The following SPECC1 variants were observed in gnomAD, a reference collection of about 807,000 sequenced individuals.
SPECC1 encodes the protein sperm antigen with calponin homology and coiled-coil domains 1.
In SPECC1, 62 loss-of-function variants were observed where a neutral mutation model predicts 104.1. That is an observed-to-expected ratio of 0.60 (90% CI 0.49 to 0.74). The LOEUF (loss-of-function observed/expected upper bound fraction) is 0.74. SPECC1 is among the 30% of genes least tolerant of loss of function. SPECC1 has a pLI of 0.00. For missense variants in SPECC1, 1,306 were observed against 1,310.5 expected, an observed-to-expected ratio of 1.00 and a Z score of 0.05; for synonymous variants, 513 against 501.6, an observed-to-expected ratio of 1.02 and a Z score of -0.30.
chr17:20,238,397 G>T, intron 7 of SPECC1: 1 of 1,041,058 alleles, frequency 9.6e-7, no homozygotes, highest in Non-Finnish European at 1.2e-6. Context: ...CCTCCATCAG[G>T]CAGAAACCTT....
intron 1 of SPECC1, among the ~76,000 whole-genome samples, chr17:20,036,595 G>T (rs966406448): frequency 1.3e-5 from 2 of 152,104 alleles, no homozygotes; most frequent in Non-Finnish European, 2.9e-5. Flanking sequence ...GTATTTTCAA[G>T]AATACAATAT....
intron 12 of SPECC1, among the ~76,000 whole-genome samples, chr17:20,283,720 G>C (rs2040851869): frequency 6.6e-6 from 1 of 152,024 alleles, no homozygotes. Flanking sequence ...CCAAGTAGCT[G>C]GGACTACAGC....
At chr17:20,174,802 G>C (rs796527526) in intron 3 of SPECC1, among the ~76,000 whole-genome samples, 3 of 152,196 alleles carry the variant, frequency 2.0e-5, no homozygotes, top group African/African-American at 7.2e-5. Flanking sequence ...GACTCAGGAG[G>C]TCAGCGCCTA....
intron 13 of SPECC1, among the ~76,000 whole-genome samples, chr17:20,303,568 A>G (rs564317414): frequency 6.6e-6 from 1 of 152,318 alleles, no homozygotes; most frequent in East Asian, 1.9e-4. Context: ...GCAAGGGTAG[A>G]GAGTGAGAGC....
intron 1 of SPECC1, among the ~76,000 whole-genome samples, chr17:20,091,641 C>G (rs2047406040): frequency 6.6e-6 from 1 of 152,204 alleles, no homozygotes; most frequent in Non-Finnish European, 1.5e-5. Flanking sequence ...CCAAAAAGCT[C>G]CAGCTCAGTA....
intron 1 of SPECC1, among the ~76,000 whole-genome samples, chr17:20,051,068 T>TTTTCTTTTTCTTTCTTTC (rs368969491): frequency 1.1e-5 from 1 of 90,772 alleles, no homozygotes; most frequent in Non-Finnish European, 2.3e-5. Flanking sequence ...CTTTCTTTCT[T>TTTTCTTTTTCTTTCTTTC]TTTCTTTCTT....
chr17:20,064,059 T>C (rs999413787), intron 1 of SPECC1, among the ~76,000 whole-genome samples: 1 of 151,950 alleles, frequency 6.6e-6, no homozygotes, highest in African/African-American at 2.4e-5. Flanking sequence ...AGGGCCAGAG[T>C]TGGCAGAAGG....
At chr17:20,296,815 T>C in intron 12 of SPECC1, 146 bp from the exon 13 acceptor site, 1 of 661,894 alleles carries the variant, frequency 1.5e-6, no homozygotes, top group South Asian at 2.0e-5. Flanking sequence ...TGAATTCGGC[T>C]CTCTGTCTGT....
intron 3 of SPECC1, among the ~76,000 whole-genome samples, chr17:20,160,111 A>G (rs2032997631): frequency 6.6e-6 from 1 of 152,230 alleles, no homozygotes; most frequent in Non-Finnish European, 1.5e-5. Flanking sequence ...AATTACATGA[A>G]ATAAAAGCTG....
intron 3 of SPECC1, among the ~76,000 whole-genome samples, chr17:20,171,179 C>T (rs920319736): frequency 2.0e-5 from 3 of 152,072 alleles, no homozygotes; most frequent in African/African-American, 4.8e-5. Context: ...CAAACTGGAC[C>T]AAAAATGTCA....
At chr17:20,044,797 C>T (rs1311839128) in intron 1 of SPECC1, among the ~76,000 whole-genome samples, 1 of 152,114 alleles carries the variant, frequency 6.6e-6, no homozygotes, top group Non-Finnish European at 1.5e-5. Context: ...TGGGTTTAGG[C>T]AGAAGGCACA....
intron 1 of SPECC1, among the ~76,000 whole-genome samples, chr17:20,040,620 T>C (rs556111838): frequency 2.6e-5 from 4 of 152,368 alleles, no homozygotes; most frequent in East Asian, 3.9e-4. Context: ...GACACTTCTT[T>C]TCTTTCAGCA....
chr17:20,048,250 C>G (rs568376622), intron 1 of SPECC1, among the ~76,000 whole-genome samples: 36 of 151,696 alleles, frequency 2.4e-4, no homozygotes, highest in Middle Eastern at 3.2e-3. Context: ...TCTCCTGCCT[C>G]AGCTTCCCAA....
At position 20,116,803 on chromosome 17, in the gene SPECC1, CTTT is replaced by C. The variant is rs58127201; in HGVS notation, c.283+6269_283+6271del. Reference sequence around the variant, plus strand: ...GGGAACAATTGGCAGTGTCTGGAGACTTTTTTTTTTTTTTTTTTTTTTTTTTTT... The same window carrying C: ...GGGAACAATTGGCAGTGTCTGGAGACTTTTTTTTTTTTTTTTTTTTTTTTT... On this transcript the variant is annotated intron_variant, in intron 3 of 14. Coordinates refer to ENST00000395527, the MANE Select transcript of SPECC1 (RefSeq NM_001243439.2). 3.2e-4 allele frequency among the ~76,000 whole-genome samples: 16 copies of C among 50,418 alleles called. 1 individual carries two copies. The highest frequency in any genetic ancestry group is 9.6e-4 in the African/African-American group (13 of 13,520). The allele number at this position is 50,418 out of a possible 152,430, so 33.1% of individuals were successfully genotyped here.
intron 3 of SPECC1, among the ~76,000 whole-genome samples, chr17:20,165,164 G>A (rs1260991990): frequency 2.6e-5 from 4 of 152,070 alleles, no homozygotes; most frequent in South Asian, 2.1e-4. Flanking sequence ...AAAGCCCCAC[G>A]TGCATTAGCT....
At chr17:20,117,205 C>T (rs562387828) in intron 3 of SPECC1, among the ~76,000 whole-genome samples, 1 of 151,998 alleles carries the variant, frequency 6.6e-6, no homozygotes, top group Admixed American at 6.5e-5. Context: ...AGGAATAAAG[C>T]TGGATCCCTA....
At chr17:20,307,985 A>G (rs1019640914) in intron 14 of SPECC1, among the ~76,000 whole-genome samples, 6 of 152,234 alleles carry the variant, frequency 3.9e-5, no homozygotes, top group African/African-American at 1.4e-4. Context: ...AAATTATCAA[A>G]GACTAGAAGA....
At chr17:20,083,264 A>G (rs1260164028) in intron 1 of SPECC1, among the ~76,000 whole-genome samples, 3 of 152,206 alleles carry the variant, frequency 2.0e-5, no homozygotes, top group Non-Finnish European at 2.9e-5. Flanking sequence ...TTTCCTTTTA[A>G]ATGCAAAGGC....
chr17:20,158,905 C>T lies in SPECC1; in HGVS notation c.284-45428C>T, dbSNP rs148777204. Among the ~76,000 whole-genome samples, 553 of 151,736 alleles carry T rather than the reference C, an allele frequency of 3.6e-3. 5 individuals carry two copies. Among genetic ancestry groups the T allele is most frequent in the African/African-American group, 0.012 (500 of 41,376 alleles). ...ACCCAAGTAGCTAGGACAACAGGCC[C>T]GGCTGTTTCGTTTTTGTTTTGTTTT... On this transcript the variant is annotated intron_variant, in intron 3 of 14. Transcript: ENST00000395527.
Sources: allele counts gnomAD v4.1 joint callset (sites outside exome capture counted in the v4.1 genomes callset), GRCh38; gene constraint gnomAD v4.1.1; transcripts MANE v1.5; gene names NCBI Gene and HGNC (gene_info 2026-07-23, HGNC 2026-07-21).